The following STAB2 variants were observed in gnomAD, a reference collection of about 807,000 sequenced individuals.
STAB2 encodes the protein stabilin 2, also known as stabilin-2.
In STAB2, 288 loss-of-function variants were observed where a neutral mutation model predicts 338.1. The ratio of observed to expected loss-of-function variants is 0.85; its 90% CI spans 0.77 to 0.94. STAB2 has a LOEUF of 0.94. Among genes scored for constraint, STAB2 ranks in the 40% least tolerant of loss-of-function variants. STAB2 has a pLI of 0.00. For missense variants in STAB2, 3,141 were observed against 3,210.1 expected (o/e 0.98, Z 0.52); for synonymous variants, 1,202 against 1,193.3 (o/e 1.01, Z -0.15).
At chr12:103,594,000 G>C (rs1956837778) in intron 2 of STAB2, among the ~76,000 whole-genome samples, 2 of 152,202 alleles carry the variant, frequency 1.3e-5, no homozygotes, top group Admixed American at 1.3e-4. Flanking sequence ...CCTGAGCAAT[G>C]GGTTTGCTTT....
chr12:103,721,999 G>T (rs1196176611), intron 44 of STAB2, among the ~76,000 whole-genome samples: 1 of 152,212 alleles, frequency 6.6e-6, no homozygotes, highest in African/African-American at 2.4e-5. Flanking sequence ...CAACAGGTCT[G>T]TCTTTTTGTT....
chr12:103,590,658 G>A (rs1956781744), intron 1 of STAB2, among the ~76,000 whole-genome samples: 1 of 152,144 alleles, frequency 6.6e-6, no homozygotes, highest in Non-Finnish European at 1.5e-5. Context: ...CAAATGTATG[G>A]TACAAACAGT....
intron 64 of STAB2, among the ~76,000 whole-genome samples, chr12:103,758,898 A>G (rs1884333612): frequency 6.6e-6 from 1 of 152,172 alleles, no homozygotes; most frequent in South Asian, 2.1e-4. Context: ...CACCGCTGGA[A>G]AGCTCTGCTC....
In STAB2 at chr12:103,750,596, G is replaced by C. The variant is rs1883545557; in HGVS notation, c.6456G>C (p.Glu2152Asp). ...CTCCACAGGGCAAGCACAAGTGTGAGTGTAAAAGTCACTATGTCGGAGATG... is the reference window on the plus strand; with the variant it reads ...CTCCACAGGGCAAGCACAAGTGTGACTGTAAAAGTCACTATGTCGGAGATG... ...KMTGPGKHKC[E>D]CKSHYVGDGL... Residue 2152 changes from glutamate (E) to aspartate (D), a missense_variant, in exon 60 of 69, where the codon GAG (glutamate) becomes GAC (aspartate). Glu to Asp is a conservative substitution (Grantham distance 45). Transcript: ENST00000388887. 6.2e-7 allele frequency: 1 copy of C among 1,614,212 alleles called. No homozygotes were observed. The highest frequency in any genetic ancestry group is 1.3e-5 in the African/African-American group (1 of 75,078).
intron 15 of STAB2, 65 bp downstream of exon 15, chr12:103,655,646 A>G: frequency 6.3e-7 from 1 of 1,582,012 alleles, no homozygotes; most frequent in South Asian, 1.2e-5. Context: ...GTGTCTAAAC[A>G]GGTTTTTCCT....
chr12:103,721,194 T>C (rs900454775), intron 44 of STAB2, among the ~76,000 whole-genome samples: 7 of 152,126 alleles, frequency 4.6e-5, no homozygotes, highest in African/African-American at 1.7e-4. Flanking sequence ...AACATGTTGA[T>C]GGAACAGAGA....
intron 25 of STAB2, among the ~76,000 whole-genome samples, chr12:103,678,975 T>C (rs1235308917): frequency 1.3e-5 from 2 of 152,210 alleles, no homozygotes; most frequent in African/African-American, 2.4e-5. Flanking sequence ...TGGACACTTG[T>C]GCAGAGACAG....
At chr12:103,610,594 CT>C (rs1184716403) in intron 3 of STAB2, among the ~76,000 whole-genome samples, 1 of 151,924 alleles carries the variant, frequency 6.6e-6, no homozygotes, top group Non-Finnish European at 1.5e-5. Flanking sequence ...CTTTATTAAT[CT>C]TGCTAGCGGT....
chr12:103,726,022 C>A, intron 45 of STAB2, 94 bp from the exon 46 acceptor site: 1 of 1,393,786 alleles, frequency 7.2e-7, no homozygotes, highest in Non-Finnish European at 1.0e-6. Context: ...AGATTTCCAG[C>A]TGAAGGGATG....
intron 27 of STAB2, among the ~76,000 whole-genome samples, chr12:103,686,860 C>T (rs373994813): frequency 6.6e-6 from 1 of 152,130 alleles, no homozygotes; most frequent in African/African-American, 2.4e-5. Context: ...CCAGGTCTGC[C>T]ATGTTCCTCT....
intron 18 of STAB2, among the ~76,000 whole-genome samples, chr12:103,664,799 G>A (rs1380887228): frequency 3.3e-5 from 5 of 152,290 alleles, no homozygotes; most frequent in South Asian, 2.1e-4. Context: ...CACAGAGGAC[G>A]GAGCTGATCC....
chr12:103,757,014 T>TAC (rs1409151594), intron 63 of STAB2, among the ~76,000 whole-genome samples: 4 of 141,560 alleles, frequency 2.8e-5, no homozygotes, highest in Non-Finnish European at 4.6e-5. Flanking sequence ...TATATATATA[T>TAC]ATATATATAT....
chr12:103,680,387 A>T (rs1167274937), intron 25 of STAB2, among the ~76,000 whole-genome samples: 1 of 152,240 alleles, frequency 6.6e-6, no homozygotes, highest in Non-Finnish European at 1.5e-5. Flanking sequence ...CCATATATGG[A>T]TCTAGCTGCT....
chr12:103,596,346 G>A (rs1956875814), intron 3 of STAB2, among the ~76,000 whole-genome samples: 3 of 152,150 alleles, frequency 2.0e-5, no homozygotes, highest in South Asian at 2.1e-4. Flanking sequence ...CAGCATGTCC[G>A]ACATATGAAT....
At chr12:103,594,336 C>A in intron 2 of STAB2, 59 bp from the exon 3 acceptor site, 1 of 1,286,378 alleles carries the variant, frequency 7.8e-7, no homozygotes, top group South Asian at 1.3e-5. Flanking sequence ...GCAATTCTAC[C>A]ACCTAGAGTA....
intron 46 of STAB2, among the ~76,000 whole-genome samples, chr12:103,726,760 AAAAT>A (rs962514959): frequency 1.4e-4 from 22 of 152,198 alleles, no homozygotes; most frequent in Non-Finnish European, 2.1e-4. Context: ...ATAAAAAACT[AAAAT>A]AAAATCATAA....
intron 1 of STAB2, among the ~76,000 whole-genome samples, chr12:103,589,576 T>C (rs879824133): frequency 3.3e-5 from 5 of 152,150 alleles, no homozygotes; most frequent in Non-Finnish European, 7.4e-5. Context: ...GTTTAGCAAA[T>C]AAGAATCAGG....
At position 103,683,301 on chromosome 12, in the gene STAB2, G is replaced by A. The variant is rs766312219; in HGVS notation, c.2901+1G>A. The A allele has an allele frequency of 6.3e-7, 1 of 1,597,630 alleles. No homozygotes were observed. Among genetic ancestry groups the A allele is most frequent in the East Asian group, 2.2e-5 (1 of 44,496 alleles). On this transcript the variant is annotated splice_donor_variant, in intron 26 of 68. Coordinates refer to ENST00000388887, the MANE Select transcript of STAB2 (RefSeq NM_017564.10). LOFTEE classifies it high-confidence loss of function. ...ACAAACCGGGAAATGTCATCCATTG[G>A]TGAGTTATTTAACCTTGTTTTTCAT...
At chr12:103,712,255 A>C (rs1879929598) in intron 40 of STAB2, 112 bp from the exon 41 acceptor site, 1 of 822,794 alleles carries the variant, frequency 1.2e-6, no homozygotes, top group Non-Finnish European at 2.2e-6. Flanking sequence ...AGGACTTATG[A>C]GTGTCTCATG....
Sources: allele counts gnomAD v4.1 joint callset (sites outside exome capture counted in the v4.1 genomes callset), GRCh38; gene constraint gnomAD v4.1.1; transcripts MANE v1.5; gene names NCBI Gene and HGNC (gene_info 2026-07-23, HGNC 2026-07-21).